The following NDST3 variants were observed in gnomAD, a reference collection of about 807,000 sequenced individuals.
NDST3 encodes the protein N-deacetylase and N-sulfotransferase 3, also known as bifunctional heparan sulfate N-deacetylase/N-sulfotransferase 3.
NDST3 carries 58 observed loss-of-function variants against 96.1 expected under a neutral mutation model. That is an observed-to-expected ratio of 0.60 (90% CI 0.49 to 0.75). The LOEUF is 0.75. Ranked by LOEUF, NDST3 falls within the 30% of genes least tolerant of loss-of-function variation. The pLI is 0.00. For missense variants in NDST3, 788 were observed against 1,034.2 expected, an observed-to-expected ratio of 0.76 and a Z score of 3.27; for synonymous variants, 333 against 359.7, an observed-to-expected ratio of 0.93 and a Z score of 0.84.
intron 6 of NDST3, among the ~76,000 whole-genome samples, chr4:118,179,591 C>T (rs558453505): frequency 1.1e-4 from 17 of 151,990 alleles, no homozygotes; most frequent in Non-Finnish European, 2.2e-4. Flanking sequence ...GAAGTAATAT[C>T]CTGTAGCCTT....
At chr4:118,173,134 A>ATGTGTG (rs35139409) in intron 6 of NDST3, among the ~76,000 whole-genome samples, 95 of 148,346 alleles carry the variant, frequency 6.4e-4, no homozygotes, top group African/African-American at 2.2e-3. Flanking sequence ...AGGCATATAT[A>ATGTGTG]TGTGTGTGTG....
At chr4:118,202,781 T>C (rs977566754) in intron 6 of NDST3, among the ~76,000 whole-genome samples, 5 of 152,174 alleles carry the variant, frequency 3.3e-5, no homozygotes, top group African/African-American at 1.2e-4. Context: ...TTTGACTTCC[T>C]TTCCTATTTG....
chr4:118,206,559 A>G (rs948774899), intron 6 of NDST3, among the ~76,000 whole-genome samples: 1 of 144,838 alleles, frequency 6.9e-6, no homozygotes, highest in Non-Finnish European at 1.5e-5. Context: ...TTTGTCAAGG[A>G]TTCTGAGCAC....
At chr4:118,193,836 CCTGTGCCTT>C in intron 6 of NDST3, 1 of 1,346,940 alleles carries the variant, frequency 7.4e-7, no homozygotes, top group Non-Finnish European at 1.0e-6. Flanking sequence ...AGTTGAAGGG[CCTGTGCCTT>C]CTGTGTTTCC....
At chr4:118,243,390 C>T (rs1303448106) in intron 12 of NDST3, among the ~76,000 whole-genome samples, 1 of 152,160 alleles carries the variant, frequency 6.6e-6, no homozygotes, top group South Asian at 2.1e-4. Context: ...GTAGGTGGAA[C>T]TCTGCAGTTT....
At chr4:118,047,913 A>G (rs1407582658) in intron 1 of NDST3, among the ~76,000 whole-genome samples, 1 of 152,204 alleles carries the variant, frequency 6.6e-6, no homozygotes, top group Non-Finnish European at 1.5e-5. Flanking sequence ...ACCATCCTTA[A>G]GGCACACAGT....
intron 2 of NDST3, among the ~76,000 whole-genome samples, chr4:118,069,167 C>A (rs753595793): frequency 2.6e-5 from 4 of 151,878 alleles, no homozygotes; most frequent in Non-Finnish European, 4.4e-5. Context: ...AAGATTCCAG[C>A]AGAGAAGGTT....
intron 4 of NDST3, among the ~76,000 whole-genome samples, chr4:118,118,582 G>T (rs1472882436): frequency 6.6e-6 from 1 of 152,146 alleles, no homozygotes; most frequent in African/African-American, 2.4e-5. Context: ...GTCTTTGAAA[G>T]CTCTAACAGT....
intron 1 of NDST3, among the ~76,000 whole-genome samples, chr4:118,052,520 C>T (rs1012716250): frequency 1.3e-5 from 2 of 151,798 alleles, no homozygotes; most frequent in African/African-American, 4.8e-5. Flanking sequence ...TGCATGTGTA[C>T]CCTCTAAAAT....
intron 6 of NDST3, among the ~76,000 whole-genome samples, chr4:118,220,709 C>CA (rs995149781): frequency 2.8e-4 from 42 of 152,008 alleles, no homozygotes; most frequent in African/African-American, 9.4e-4. Flanking sequence ...TTCTGAACAT[C>CA]ACCACACATC....
At chr4:118,069,102 A>C (rs1230656914) in intron 2 of NDST3, among the ~76,000 whole-genome samples, 2 of 151,466 alleles carry the variant, frequency 1.3e-5, no homozygotes, top group African/African-American at 4.8e-5. Flanking sequence ...AAGTAATGAA[A>C]GGTACATTGC....
At chr4:118,162,050 G>C (rs538069627) in intron 6 of NDST3, among the ~76,000 whole-genome samples, 3 of 152,144 alleles carry the variant, frequency 2.0e-5, no homozygotes. Context: ...CAAGGGACGC[G>C]AAGGACCTCT....
chr4:118,163,059 T>G (rs1735287151), intron 6 of NDST3, among the ~76,000 whole-genome samples: 1 of 152,096 alleles, frequency 6.6e-6, no homozygotes, highest in Admixed American at 6.6e-5. Flanking sequence ...AGATACCATC[T>G]CACACCAGTT....
At chr4:118,221,819 A>AATG (rs1000262034) in intron 6 of NDST3, among the ~76,000 whole-genome samples, 2 of 152,002 alleles carry the variant, frequency 1.3e-5, no homozygotes, top group African/African-American at 4.8e-5. Context: ...GGCAGTTTCA[A>AATG]ATGATGTGAG....
At chr4:118,237,920 C>G (rs185390016) in intron 10 of NDST3, among the ~76,000 whole-genome samples, 3 of 151,992 alleles carry the variant, frequency 2.0e-5, no homozygotes, top group Admixed American at 2.0e-4. Context: ...TGTTTGAGCC[C>G]AGGAGTTCAA....
At chr4:118,254,780 T>C (rs952353577) in intron 13 of NDST3, among the ~76,000 whole-genome samples, 2 of 152,292 alleles carry the variant, frequency 1.3e-5, no homozygotes, top group South Asian at 2.1e-4. Context: ...GCTAAACTTA[T>C]TAGAATACTT....
chr4:118,210,679 G>C (rs1414843853), intron 6 of NDST3, among the ~76,000 whole-genome samples: 1 of 151,346 alleles, frequency 6.6e-6, no homozygotes, highest in Non-Finnish European at 1.5e-5. Flanking sequence ...AGAAGGCTGA[G>C]GTAGGAGAAT....
In NDST3 at chr4:118,106,584, A is replaced by T. The variant is rs185024404; in HGVS notation, c.1069+1479A>T. Among the ~76,000 whole-genome samples, 697 of 151,990 alleles carry T rather than the reference A, an allele frequency of 4.6e-3. 4 individuals are homozygous for T. Among genetic ancestry groups the T allele is most frequent in the South Asian group, 8.6e-3 (41 of 4,786 alleles). ...TGTATAAATCTGTGATACATCTGGA[A>T]TTGATTTTTGTGCATATATCAGATA... is the stretch of plus-strand genomic sequence containing the variant. On this transcript the variant is annotated intron_variant, in intron 3 of 13. Transcript: ENST00000296499.
chr4:118,125,330 CAG>C (rs1234919946), intron 4 of NDST3, among the ~76,000 whole-genome samples: 3 of 152,156 alleles, frequency 2.0e-5, no homozygotes, highest in South Asian at 4.1e-4. Context: ...CAGCTGCCAA[CAG>C]GGGATGATTC....
Sources: gnomAD v4.1 joint callset for allele counts (sites outside exome capture counted in the v4.1 genomes callset) on GRCh38, gnomAD v4.1.1 for gene constraint, MANE v1.5 for transcripts, NCBI Gene and HGNC (gene_info 2026-07-23, HGNC 2026-07-21) for gene names.